Variants in KMT2A observed in about 807,000 individuals in gnomAD.
The protein encoded by KMT2A is lysine methyltransferase 2A, also known as histone-lysine N-methyltransferase 2A.
Under a neutral mutation model 345.3 loss-of-function variants are expected in KMT2A, and 16 were observed. That is an observed-to-expected ratio of 0.05 (90% confidence interval 0.03 to 0.07). KMT2A has a LOEUF of 0.07. Among genes scored for constraint, KMT2A ranks in the 10% least tolerant of loss-of-function variants. The probability of loss-of-function intolerance (pLI) is 1.00; values close to 1 mark genes in which losing one functional copy is unlikely to be tolerated. For synonymous variants in KMT2A, 1,599 were observed against 1,778.6 expected (o/e 0.90, Z 2.54); for missense variants, 3,272 against 4,841.6 (o/e 0.68, Z 9.62).
At chr11:118,519,589 CA>C in intron 31 of KMT2A, 28 bp from the exon 32 acceptor site, 1 of 1,599,396 alleles carries the variant, frequency 6.3e-7, no homozygotes, top group Non-Finnish European at 8.6e-7. Flanking sequence ...CTGCGCTCCT[CA>C]CTTCCCTGGT....
chr11:118,493,268 C>T lies in KMT2A; in HGVS notation c.5178+38C>T. 1 of 1,561,906 alleles carries T rather than the reference C, an allele frequency of 6.4e-7. No homozygotes were observed. Among genetic ancestry groups the T allele is most frequent in the Non-Finnish European group, 8.8e-7 (1 of 1,138,358 alleles). Reference sequence around the variant, plus strand: ...AGTGAGCCATCAGAATTTCTAGTGCCAATAAAGCTTCTTTGGACCTTTGGG... The same window carrying T: ...AGTGAGCCATCAGAATTTCTAGTGCTAATAAAGCTTCTTTGGACCTTTGGG... On this transcript the variant is annotated intron_variant, in intron 16 of 35. Coordinates refer to ENST00000534358, the MANE Select transcript of KMT2A (RefSeq NM_001197104.2). The surrounding 1 kb of genome is among the most constrained non-coding windows in gnomAD (Gnocchi z 5.8).
At chr11:118,475,016 C>T in intron 3 of KMT2A, among the ~76,000 whole-genome samples, 1 of 152,038 alleles carries the variant, frequency 6.6e-6, no homozygotes, top group South Asian at 2.1e-4. Flanking sequence ...GCCTCTAGTC[C>T]CAGCTACTGG....
intron 27 of KMT2A, among the ~76,000 whole-genome samples, chr11:118,507,073 G>T (rs1950597582): frequency 6.6e-6 from 1 of 152,200 alleles, no homozygotes; most frequent in African/African-American, 2.4e-5. Flanking sequence ...GAGGCAGAAG[G>T]ATTGCTGGAG....
chr11:118,499,558 C>G, intron 23 of KMT2A, 138 bp downstream of exon 23: 1 of 706,804 alleles, frequency 1.4e-6, no homozygotes, highest in Non-Finnish European at 2.5e-6. Flanking sequence ...CTGAGGCGGG[C>G]AGATCACTGG....
intron 28 of KMT2A, among the ~76,000 whole-genome samples, chr11:118,507,955 T>C (rs1341419375): frequency 6.6e-6 from 1 of 152,078 alleles, no homozygotes; most frequent in Non-Finnish European, 1.5e-5. Context: ...AGAGCAAGAC[T>C]CCGTTTCCAA....
In KMT2A at chr11:118,522,513, C is replaced by T; in HGVS notation, c.*341C>T. The stretch of plus-strand genomic sequence containing the variant: ...GTTGGGAGATTGGGCCTGAATTTCT[C>T]CACAGAAATAAGTTGCCATCCTCAG... On this transcript the variant is annotated 3_prime_UTR_variant, in exon 36 of 36. Transcript: ENST00000534358. This position sits in a 1 kb window ranked among gnomAD's most constrained non-coding sequence, Gnocchi z 5.4. 3.4e-6 allele frequency: 1 copy of T among 292,712 alleles called. No individual in the cohort carries two copies. Among genetic ancestry groups the T allele is most frequent in the South Asian group, 8.3e-5 (1 of 12,002 alleles). 18.1% of individuals were successfully genotyped at this position (292,712 alleles called of 1,614,324 possible).
At chr11:118,469,297 C>G (rs1343005959) in intron 2 of KMT2A, among the ~76,000 whole-genome samples, 1 of 151,974 alleles carries the variant, frequency 6.6e-6, no homozygotes, top group Non-Finnish European at 1.5e-5. Context: ...GTAAGAGTAT[C>G]CTCAGATTTA....
intron 1 of KMT2A, among the ~76,000 whole-genome samples, chr11:118,439,883 G>T (rs990055801): frequency 6.6e-6 from 1 of 151,682 alleles, no homozygotes; most frequent in African/African-American, 2.4e-5. Flanking sequence ...ATTGAGTAGT[G>T]GTAAACCTCT....
rs1951036888 is a variant in KMT2A at position 118,524,384 on chromosome 11, C to A, written c.*2212C>A. 1 of 192,664 alleles carries A rather than the reference C, an allele frequency of 5.2e-6. No homozygotes were observed. Among genetic ancestry groups the A allele is most frequent in the Non-Finnish European group, 1.1e-5 (1 of 91,844 alleles). The allele number at this position is 192,664 out of a possible 1,614,324, so 11.9% of individuals were successfully genotyped here. ...GCACTCTCTGCCCCAGGACTCATGG[C>A]TCTGCTGTGCCTTCCATCCTGGGCT... On this transcript the variant is annotated 3_prime_UTR_variant, in exon 36 of 36. Transcript: ENST00000534358.
chr11:118,497,404 G>T lies in KMT2A; in HGVS notation c.5665-532G>T, dbSNP rs1181800318. 1.3e-5 allele frequency among the ~76,000 whole-genome samples: 2 copies of T among 152,060 alleles called. No individual in the cohort carries two copies. Among genetic ancestry groups the T allele is most frequent in the Non-Finnish European group, 2.9e-5 (2 of 68,004 alleles). Reference sequence around the variant, plus strand: ...TTACCACCTATTGCTCTTTTTGTTTGTTTCCTTTTGAGACCAGGTCTTGCT... The same window carrying T: ...TTACCACCTATTGCTCTTTTTGTTTTTTTCCTTTTGAGACCAGGTCTTGCT... On this transcript the variant is annotated intron_variant, in intron 20 of 35. Coordinates refer to ENST00000534358, the MANE Select transcript of KMT2A (RefSeq NM_001197104.2). This position sits in a 1 kb window ranked among gnomAD's most constrained non-coding sequence, Gnocchi z 4.8.
In KMT2A at chr11:118,504,210, G is replaced by A; in HGVS notation, c.8318G>A (p.Ser2773Asn). ...GGGGAGAAAGAACATGTCACTAAGA[G>A]TTCTGTTGGCCACAAAAATGAGCCA... ...DAGEKEHVTK[S>N]SVGHKNEPKM... Residue 2773 changes from serine to asparagine, a missense_variant, in exon 27 of 36, where the codon AGT becomes AAT. Around this residue, in one of 27 missense-constraint regions of KMT2A, gnomAD observed 100 missense variants for 101.3 expected, o/e 0.99. Transcript: ENST00000534358. The surrounding 1 kb of genome is among the most constrained non-coding windows in gnomAD (Gnocchi z 6.4). 3 of 1,614,150 alleles carry A rather than the reference G, an allele frequency of 1.9e-6. No individual in the cohort carries two copies. Among genetic ancestry groups the A allele is most frequent in the Non-Finnish European group, 2.5e-6 (3 of 1,180,026 alleles).
At chr11:118,452,729 G>A (rs1226182993) in intron 1 of KMT2A, among the ~76,000 whole-genome samples, 2 of 151,764 alleles carry the variant, frequency 1.3e-5, no homozygotes, top group African/African-American at 4.8e-5. Flanking sequence ...CGCCTCCTGG[G>A]TTCAAGCGAT....
rs1949185080 is a variant in KMT2A, at chr11:118,436,605, G to A, written c.93G>A (p.Pro31=). Residue 31 remains proline, a synonymous_variant, in exon 1 of 36, where the codon CCG becomes CCA. Coordinates refer to ENST00000534358, the MANE Select transcript of KMT2A (RefSeq NM_001197104.2). The surrounding 1 kb of genome is among the most constrained non-coding windows in gnomAD (Gnocchi z 6.9). ...GGCGCCGGGGCCTAGGGGGCGCCCCGCGGCAACGCGTCCCGGCCCTGCTGC... is the reference window on the plus strand; with the variant it reads ...GGCGCCGGGGCCTAGGGGGCGCCCCACGGCAACGCGTCCCGGCCCTGCTGC... ...GGGRRGLGGA[P]RQRVPALLLP... is the part of the protein sequence containing the mutation. 1.7e-6 allele frequency: 2 copies of A among 1,163,526 alleles called. No homozygotes were observed. Among genetic ancestry groups the A allele is most frequent in the East Asian group, 3.9e-5 (1 of 25,840 alleles). 72.1% of individuals were successfully genotyped at this position (1,163,526 alleles called of 1,614,324 possible). A position where few individuals can be genotyped will look rare whatever the true frequency, so the allele number is the denominator to read the frequency against.
chr11:118,475,493 G>T (rs1170927875), intron 3 of KMT2A, among the ~76,000 whole-genome samples: 1 of 152,186 alleles, frequency 6.6e-6, no homozygotes, highest in Admixed American at 6.5e-5. Flanking sequence ...GGAGGCCGAG[G>T]CAGGTGGATC....
At chr11:118,456,143 G>A (rs781842495) in intron 1 of KMT2A, among the ~76,000 whole-genome samples, 44 of 151,944 alleles carry the variant, frequency 2.9e-4, no homozygotes, top group Non-Finnish European at 4.7e-4. Flanking sequence ...GCCTCTCCCT[G>A]TTACTGTTAA....
At position 118,472,251 on chromosome 11, in the gene KMT2A, A is replaced by G. The variant is rs782234076; in HGVS notation, c.1092A>G (p.Ser364=). 6.2e-7 allele frequency: 1 copy of G among 1,614,060 alleles called. No homozygotes were observed. Among genetic ancestry groups the G allele is most frequent in the South Asian group, 1.1e-5 (1 of 91,084 alleles). ...AGCCAGTTAGGATTATTCCTTCTTC[A>G]AAAAGGACAGATGCAACCATTGCTA... ...RIKPVRIIPS[S]KRTDATIAKQ... Residue 364 remains serine, a synonymous_variant, in exon 3 of 36, where the codon TCA becomes TCG. Coordinates refer to ENST00000534358, the MANE Select transcript of KMT2A (RefSeq NM_001197104.2).
At chr11:118,487,159 T>A (rs1478144636) in intron 10 of KMT2A, among the ~76,000 whole-genome samples, 2 of 152,206 alleles carry the variant, frequency 1.3e-5, no homozygotes, top group Admixed American at 1.3e-4. Context: ...GTGCCAGGGG[T>A]CTACTGTATC....
Position 118,468,775 on chromosome 11 carries a change from G to C in KMT2A, c.433G>C (p.Asp145His). 2 of 1,611,822 alleles carry C rather than the reference G, an allele frequency of 1.2e-6. No individual in the cohort carries two copies. Among genetic ancestry groups the C allele is most frequent in the Non-Finnish European group, 1.7e-6 (2 of 1,178,276 alleles). Residue 145 changes from aspartate (D) to histidine (H), a missense_variant and splice_region_variant, in exon 2 of 36, where the codon GAT (aspartate) becomes CAT (histidine). Asp to His is a moderately conservative substitution (Grantham distance 81). This residue lies in a region of KMT2A where 412 missense variants were observed against 511.0 expected (regional missense o/e 0.81). Transcript: ENST00000534358. ...ESGGGGGSGE[D>H]EQFLGFGSDE... Reference sequence around the variant, plus strand: ...TTAAAATAATTTTCCTTTGTTGTAGGATGAGCAATTCTTAGGTTTTGGCTC... The same window carrying C: ...TTAAAATAATTTTCCTTTGTTGTAGCATGAGCAATTCTTAGGTTTTGGCTC...
At position 118,482,424 on chromosome 11, in the gene KMT2A, C is replaced by A; in HGVS notation, c.4015C>A (p.Pro1339Thr). 6.2e-7 allele frequency: 1 copy of A among 1,609,780 alleles called. No individual in the cohort carries two copies. The highest frequency in any genetic ancestry group is 1.1e-5 in the South Asian group (1 of 90,926). The change falls in exon 8 of 36, where the codon CCA becomes ACA. Residue 1339 changes from proline (P) to threonine (T), a missense_variant and splice_region_variant. Pro to Thr is a conservative substitution (Grantham distance 38). Transcript: ENST00000534358. Reference protein sequence around the residue: ...KKQPPPPESGPEQSKQKKVAP... With the variant: ...KKQPPPPESGTEQSKQKKVAP... Reference sequence around the variant, plus strand: ...GCAATTTATTCTGAATTTTTTAGGTCCAGAGCAGAGCAAACAGAAAAAAGT... The same window carrying A: ...GCAATTTATTCTGAATTTTTTAGGTACAGAGCAGAGCAAACAGAAAAAAGT...
Sources: gnomAD v4.1 joint callset for allele counts (sites outside exome capture counted in the v4.1 genomes callset) on GRCh38, gnomAD v4.1.1 for gene constraint, gnomAD v4.1.1 regional missense constraint, Gnocchi (gnomAD v3.1) non-coding constraint, MANE v1.5 for transcripts, NCBI Gene and HGNC (gene_info 2026-07-23, HGNC 2026-07-21) for gene names.